Variants in PTPRD observed in about 807,000 individuals in gnomAD.
The protein encoded by PTPRD is receptor-type tyrosine-protein phosphatase delta.
A neutral mutation model predicts 214.5 loss-of-function variants in PTPRD; 34 were observed. That is an observed-to-expected ratio of 0.16 (90% CI 0.12 to 0.21). The LOEUF (loss-of-function observed/expected upper bound fraction) is 0.21. PTPRD is among the 10% of genes least tolerant of loss of function. The pLI is 1.00. For missense variants in PTPRD, 2,545 were observed against 2,398.7 expected (o/e 1.06, Z -1.27); for synonymous variants, 1,128 against 845.7 (o/e 1.33, Z -5.79).
At chr9:10,511,170 A>G (rs1384209770) in intron 2 of PTPRD, among the ~76,000 whole-genome samples, 1 of 152,198 alleles carries the variant, frequency 6.6e-6, no homozygotes, top group Admixed American at 6.6e-5. Context: ...CTCATTTCAT[A>G]GTCGAAGTAT....
Position 8,736,594 on chromosome 9 carries a change from T to C in PTPRD, c.-103-2648A>G, listed in dbSNP as rs577413646. Among the ~76,000 whole-genome samples, 3 of 152,330 alleles carry C rather than the reference T, an allele frequency of 2.0e-5. No homozygotes were observed. The South Asian group carries it at 6.2e-4, about 32-fold the overall frequency. ...TCAGCTTAAGCATGAGAACAAAAAT[T>C]GTTTTAAAGATATTACCTTTTTTAT... On this transcript the variant is annotated intron_variant, in intron 11 of 45. Transcript: ENST00000381196.
chr9:9,255,092 G>C (rs776412644), intron 9 of PTPRD, among the ~76,000 whole-genome samples: 1 of 151,972 alleles, frequency 6.6e-6, no homozygotes, highest in Admixed American at 6.6e-5. Flanking sequence ...AATAAACAAA[G>C]CTCAAGTTAA....
At chr9:9,049,973 G>C (rs956316394) in intron 10 of PTPRD, among the ~76,000 whole-genome samples, 1 of 152,200 alleles carries the variant, frequency 6.6e-6, no homozygotes, top group Non-Finnish European at 1.5e-5. Context: ...AGGTAGCAAG[G>C]TGTGGTGTGA....
chr9:10,145,918 A>G (rs1042576565), intron 3 of PTPRD, among the ~76,000 whole-genome samples: 2 of 151,986 alleles, frequency 1.3e-5, no homozygotes, highest in Admixed American at 1.3e-4. Context: ...ATATAAAAAT[A>G]CAAATATAGT....
At chr9:8,875,442 C>G (rs2154211827) in intron 11 of PTPRD, among the ~76,000 whole-genome samples, 1 of 152,192 alleles carries the variant, frequency 6.6e-6, no homozygotes, top group Admixed American at 6.5e-5. Flanking sequence ...CTAGTATAAT[C>G]ACAATACACT....
intron 36 of PTPRD, among the ~76,000 whole-genome samples, chr9:8,393,456 C>G (rs779181942): frequency 6.6e-6 from 1 of 151,964 alleles, no homozygotes. Flanking sequence ...TTTTGGTTGG[C>G]GAAGGAGCTA....
intron 5 of PTPRD, among the ~76,000 whole-genome samples, chr9:9,906,049 T>C (rs553564966): frequency 6.6e-6 from 1 of 152,024 alleles, no homozygotes; most frequent in African/African-American, 2.4e-5. Flanking sequence ...TGTAAAGCTT[T>C]AGGAGGACAC....
At chr9:10,108,625 A>G (rs1324551243) in intron 3 of PTPRD, among the ~76,000 whole-genome samples, 1 of 152,058 alleles carries the variant, frequency 6.6e-6, no homozygotes, top group Non-Finnish European at 1.5e-5. Context: ...TATTTATCCA[A>G]AAAAATATAA....
At chr9:10,084,925 TCG>T (rs1337969474) in intron 3 of PTPRD, among the ~76,000 whole-genome samples, 1 of 151,830 alleles carries the variant, frequency 6.6e-6, no homozygotes, top group Non-Finnish European at 1.5e-5. Flanking sequence ...GTCTCAACTC[TCG>T]TAGATAAAAA....
At chr9:10,459,056 C>T (rs112531810) in intron 2 of PTPRD, among the ~76,000 whole-genome samples, 4 of 151,952 alleles carry the variant, frequency 2.6e-5, no homozygotes, top group African/African-American at 4.8e-5. Context: ...CCTAGCCCCC[C>T]ATCCATGACA....
At chr9:10,405,508 G>T (rs2154500455) in intron 2 of PTPRD, among the ~76,000 whole-genome samples, 1 of 123,802 alleles carries the variant, frequency 8.1e-6, no homozygotes, top group East Asian at 2.6e-4. Context: ...TATAGAATAT[G>T]ATTAATTCAC....
rs2063126079 is a variant in PTPRD, at chr9:9,384,115, C to G, written c.-203+13334G>C. On this transcript the variant is annotated intron_variant, in intron 9 of 45. Coordinates refer to ENST00000381196, the MANE Select transcript of PTPRD (RefSeq NM_002839.4). ...AGGGACATTAAAAACTTTTCACATA[C>G]TTTTTTTTTTGCTTATAGATACATA... Among the ~76,000 whole-genome samples, 4 of 147,458 alleles carry G rather than the reference C, an allele frequency of 2.7e-5. No individual in the cohort carries two copies. The South Asian group carries it at 6.4e-4, about 24-fold the overall frequency.
chr9:10,031,274 A>T (rs554027207), intron 4 of PTPRD, among the ~76,000 whole-genome samples: 2 of 152,098 alleles, frequency 1.3e-5, no homozygotes, highest in East Asian at 3.9e-4. Flanking sequence ...TGTTAACTCG[A>T]TTGGATTGAA....
At chr9:9,960,503 G>A (rs1329006268) in intron 4 of PTPRD, among the ~76,000 whole-genome samples, 12 of 152,112 alleles carry the variant, frequency 7.9e-5, no homozygotes, top group Non-Finnish European at 1.5e-5. Context: ...GGAGAAACCT[G>A]ACATATACTA....
At chr9:10,178,411 T>C (rs997443861) in intron 3 of PTPRD, among the ~76,000 whole-genome samples, 1 of 151,934 alleles carries the variant, frequency 6.6e-6, no homozygotes, top group African/African-American at 2.4e-5. Context: ...AGCACTTCAA[T>C]TAATTTGTTT....
At chr9:9,213,629 T>A (rs1441511625) in intron 9 of PTPRD, among the ~76,000 whole-genome samples, 2 of 152,152 alleles carry the variant, frequency 1.3e-5, no homozygotes, top group African/African-American at 4.8e-5. Flanking sequence ...TTTAGTCACT[T>A]TGTATTCAAA....
intron 3 of PTPRD, among the ~76,000 whole-genome samples, chr9:10,203,132 G>A (rs1728951644): frequency 6.6e-6 from 1 of 150,448 alleles, no homozygotes; most frequent in African/African-American, 2.4e-5. Flanking sequence ...GAGTTCCTGA[G>A]AAATCAGTTC....
At chr9:9,986,735 A>G (rs748286521) in intron 4 of PTPRD, among the ~76,000 whole-genome samples, 1 of 152,178 alleles carries the variant, frequency 6.6e-6, no homozygotes, top group Non-Finnish European at 1.5e-5. Context: ...CTTAGAAAAT[A>G]ATTAATTCAC....
At chr9:9,368,900 A>G (rs2058633908) in intron 9 of PTPRD, among the ~76,000 whole-genome samples, 1 of 151,812 alleles carries the variant, frequency 6.6e-6, no homozygotes, top group African/African-American at 2.4e-5. Context: ...TCCTAATGTT[A>G]TCCCTCCCCA....
Sources: gnomAD v4.1 joint callset for allele counts (sites outside exome capture counted in the v4.1 genomes callset) on GRCh38, gnomAD v4.1.1 for gene constraint, MANE v1.5 for transcripts, NCBI Gene and HGNC (gene_info 2026-07-23, HGNC 2026-07-21) for gene names.